Variants in LTBP1 observed in about 807,000 individuals in gnomAD.
LTBP1 encodes latent transforming growth factor beta binding protein 1.
A neutral mutation model predicts 207.6 loss-of-function variants in LTBP1; 129 were observed. The ratio of observed to expected loss-of-function variants is 0.62; its 90% CI spans 0.54 to 0.72. The LOEUF is 0.72. Ranked by LOEUF, LTBP1 falls within the 30% of genes least tolerant of loss-of-function variation. LTBP1 has a pLI of 0.00. For synonymous variants in LTBP1, 963 were observed against 833.7 expected (o/e 1.16, Z -2.67); for missense variants, 2,281 against 2,217.2 (o/e 1.03, Z -0.58).
intron 32 of LTBP1, among the ~76,000 whole-genome samples, chr2:33,391,385 T>A (rs2095313310): frequency 6.6e-6 from 1 of 152,074 alleles, no homozygotes; most frequent in Admixed American, 6.5e-5. Flanking sequence ...TACAAGACTG[T>A]GCACTTAGGG....
chr2:33,330,814 C>CA (rs756837289), intron 24 of LTBP1, among the ~76,000 whole-genome samples: 7,196 of 96,630 alleles, frequency 0.074, 562 homozygotes, highest in African/African-American at 0.23. Flanking sequence ...ATCATGGTCT[C>CA]AAAAAAAAAA....
At position 32,948,885 on chromosome 2, in the gene LTBP1, T is replaced by C; in HGVS notation, c.505T>C (p.Cys169Arg). The C allele has an allele frequency of 1.2e-6, 2 of 1,614,176 alleles. No homozygotes were observed. Among genetic ancestry groups the C allele is most frequent in the Non-Finnish European group, 1.7e-6 (2 of 1,180,034 alleles). The stretch of plus-strand genomic sequence containing the variant: ...CTTGCTTTGTTTCAGGGTCAATGTC[T>C]GTGGAGGGCGGTGCTGTCATGGCTG... ...QKQQLQGVNV[C>R]GGRCCHGWSK... The change falls in exon 2 of 34, where the codon TGT (cysteine) becomes CGT (arginine). Residue 169 changes from cysteine to arginine, a missense_variant. By Grantham distance (180) the Cys-to-Arg change is radical. This residue lies in a region of LTBP1 where 555 missense variants were observed against 491.0 expected (regional missense o/e 1.13). Coordinates refer to ENST00000404816, the MANE Select transcript of LTBP1 (RefSeq NM_206943.4).
chr2:33,011,284 A>T (rs914418982), intron 2 of LTBP1, among the ~76,000 whole-genome samples: 9 of 152,098 alleles, frequency 5.9e-5, no homozygotes, highest in African/African-American at 2.2e-4. Flanking sequence ...AATTGACTAG[A>T]ACATCCAGAA....
chr2:33,096,206 A>G (rs1326487932), intron 3 of LTBP1, among the ~76,000 whole-genome samples: 1 of 152,254 alleles, frequency 6.6e-6, no homozygotes, highest in East Asian at 1.9e-4. Flanking sequence ...AAAGTAGGTC[A>G]TAAAATGGTG....
At chr2:33,072,791 T>C (rs539944285) in intron 3 of LTBP1, among the ~76,000 whole-genome samples, 20 of 152,340 alleles carry the variant, frequency 1.3e-4, no homozygotes, top group Admixed American at 1.2e-3. Context: ...CTGGTTGCCA[T>C]GGCAGAGGGA....
chr2:33,287,141 A>G (rs899693235), intron 19 of LTBP1, among the ~76,000 whole-genome samples: 5 of 152,238 alleles, frequency 3.3e-5, no homozygotes, highest in Admixed American at 6.5e-5. Flanking sequence ...AGCAGGCAGC[A>G]TGGTTTGTGG....
At chr2:33,327,587 C>T (rs990579952) in intron 24 of LTBP1, among the ~76,000 whole-genome samples, 3 of 152,122 alleles carry the variant, frequency 2.0e-5, no homozygotes, top group Non-Finnish European at 4.4e-5. Context: ...AGTAGCTTGA[C>T]TTCATTTTGC....
intron 2 of LTBP1, among the ~76,000 whole-genome samples, chr2:32,973,333 G>A (rs1681206307): frequency 3.9e-5 from 6 of 152,096 alleles, no homozygotes; most frequent in Admixed American, 3.3e-4. Flanking sequence ...TTTGTTAGGT[G>A]TATATATACT....
At chr2:33,210,502 C>G (rs1013028296) in intron 7 of LTBP1, among the ~76,000 whole-genome samples, 2 of 152,118 alleles carry the variant, frequency 1.3e-5, no homozygotes, top group South Asian at 4.1e-4. Flanking sequence ...ATCAGTCTTT[C>G]TGTACTTACC....
chr2:33,245,217 T>C (rs1189203823), intron 10 of LTBP1, among the ~76,000 whole-genome samples: 1 of 152,210 alleles, frequency 6.6e-6, no homozygotes, highest in East Asian at 1.9e-4. Flanking sequence ...TGGTATATAA[T>C]GAGCTGCATC....
chr2:33,052,465 A>C (rs548978384), intron 3 of LTBP1, among the ~76,000 whole-genome samples: 16 of 152,384 alleles, frequency 1.0e-4, no homozygotes, highest in Non-Finnish European at 2.4e-4. Flanking sequence ...ATTGAACGCT[A>C]AGAGAAATGG....
chr2:33,314,066 G>A (rs1186728705), intron 23 of LTBP1, among the ~76,000 whole-genome samples: 2 of 152,106 alleles, frequency 1.3e-5, no homozygotes, highest in African/African-American at 2.4e-5. Flanking sequence ...TGGCCACGGG[G>A]AGCACAATTA....
At chr2:33,177,704 A>G (rs1356240285) in intron 5 of LTBP1, among the ~76,000 whole-genome samples, 1 of 152,180 alleles carries the variant, frequency 6.6e-6, no homozygotes, top group African/African-American at 2.4e-5. Flanking sequence ...AGACAAGCTA[A>G]GCACAGTAGA....
intron 7 of LTBP1, among the ~76,000 whole-genome samples, chr2:33,197,761 G>A (rs1259404477): frequency 6.6e-6 from 1 of 152,180 alleles, no homozygotes; most frequent in Non-Finnish European, 1.5e-5. Context: ...TAGAATCACA[G>A]TATAGAGTTC....
chr2:33,122,781 A>C (rs1436609941), intron 4 of LTBP1, among the ~76,000 whole-genome samples: 2 of 152,104 alleles, frequency 1.3e-5, no homozygotes, highest in African/African-American at 2.4e-5. Flanking sequence ...ACTGTGTCTT[A>C]GCCTCCATGA....
chr2:33,137,116 C>T (rs180684873), intron 5 of LTBP1, among the ~76,000 whole-genome samples: 50 of 152,198 alleles, frequency 3.3e-4, no homozygotes, highest in African/African-American at 1.2e-3. Context: ...TTTTATAGAA[C>T]TTATAGACTG....
chr2:33,200,625 T>C (rs1043088162), intron 7 of LTBP1, among the ~76,000 whole-genome samples: 3 of 152,158 alleles, frequency 2.0e-5, no homozygotes, highest in South Asian at 2.1e-4. Context: ...AATTGACAAA[T>C]GGGATCTAAT....
At position 32,947,465 on chromosome 2, in the gene LTBP1, GC is replaced by G. The variant is rs1393903618; in HGVS notation, c.146del (p.Pro49ArgfsTer173). 1.1e-5 allele frequency: 16 copies of G among 1,443,946 alleles called. No homozygotes were observed. The highest frequency in any genetic ancestry group is 1.0e-4 in the Admixed American group (4 of 38,500). 89.4% of individuals were successfully genotyped at this position (1,443,946 alleles called of 1,614,324 possible). On this transcript the variant is annotated frameshift_variant, in exon 1 of 34. Transcript: ENST00000404816. LOFTEE classifies it high-confidence loss of function. ...CAGCCGGCGCCTTGCCCCTGAGCGG[GC>G]CCCCGCGTTCGCGGACATTCAACGT... ...LAAGALPLSG[P>X]PRSRTFNVAL...
chr2:33,376,138 C>G (rs2095137324), intron 31 of LTBP1, among the ~76,000 whole-genome samples: 1 of 152,134 alleles, frequency 6.6e-6, no homozygotes, highest in Admixed American at 6.5e-5. Context: ...TCTTATAAGT[C>G]TAATAAACCA....
Sources: allele counts gnomAD v4.1 joint callset (sites outside exome capture counted in the v4.1 genomes callset), GRCh38; gene constraint gnomAD v4.1.1; regional missense constraint gnomAD v4.1.1; transcripts MANE v1.5; gene names NCBI Gene and HGNC (gene_info 2026-07-23, HGNC 2026-07-21).